The following BABAM1 variants were observed in gnomAD, a reference collection of about 807,000 sequenced individuals.
The protein encoded by BABAM1 is BRISC and BRCA1 A complex member 1, also known as BRISC and BRCA1-A complex member 1.
A neutral mutation model predicts 34.4 loss-of-function variants in BABAM1; 14 were observed. The ratio of observed to expected loss-of-function variants is 0.41; its 90% confidence interval spans 0.27 to 0.64. BABAM1 has a LOEUF of 0.64. Among genes scored for constraint, BABAM1 ranks in the 30% least tolerant of loss-of-function variants. The pLI is 0.34. For synonymous variants in BABAM1, 169 were observed against 165.8 expected (o/e 1.02, Z -0.15); for missense variants, 393 against 434.0 (o/e 0.91, Z 0.84).
chr19:17,279,026 T>C lies in BABAM1; in HGVS notation c.968T>C (p.Ile323Thr), dbSNP rs776219526. Residue 323 changes from isoleucine (I) to threonine (T), a missense_variant, in exon 9 of 9, where the codon ATT becomes ACT. Transcript: ENST00000598188. Reference sequence around the variant, plus strand: ...CTGCTGGAGGAGGAGGATGAAGCCATTGAGGTTGAGGCCACTGTCTGAACC... The same window carrying C: ...CTGCTGGAGGAGGAGGATGAAGCCACTGAGGTTGAGGCCACTGTCTGAACC... ...YSLLEEEDEAIEVEATV is the reference protein window; with the variant it reads ...YSLLEEEDEATEVEATV 1.9e-6 allele frequency: 3 copies of C among 1,611,756 alleles called. No individual in the cohort carries two copies. Among genetic ancestry groups the C allele is most frequent in the South Asian group, 2.2e-5 (2 of 90,640 alleles).
Position 17,267,493 on chromosome 19 carries a change from A to G in BABAM1, c.-48A>G, listed in dbSNP as rs185900111. 6.6e-6 allele frequency: 1 copy of G among 152,216 alleles called. No homozygotes were observed. The highest frequency in any genetic ancestry group is 2.4e-5 in the African/African-American group (1 of 41,526). The allele number at this position is 152,216 out of a possible 1,614,324, so 9.4% of individuals were successfully genotyped here. ...CGGCTTCCTAGTGAGTCGGCGGCTGATTTAGAAGGAGGTTCAGGCTACGGT... is the reference window on the plus strand; with the variant it reads ...CGGCTTCCTAGTGAGTCGGCGGCTGGTTTAGAAGGAGGTTCAGGCTACGGT... On this transcript the variant is annotated 5_prime_UTR_variant, in exon 1 of 9. Transcript: ENST00000598188.
At chr19:17,278,265 G>A (rs917313265) in intron 8 of BABAM1, among the ~76,000 whole-genome samples, 1 of 151,846 alleles carries the variant, frequency 6.6e-6, no homozygotes, top group South Asian at 2.1e-4. Context: ...CAAAGTGGGG[G>A]CCAGGAGAAT....
chr19:17,270,687 A>G (rs1050642209), intron 2 of BABAM1, among the ~76,000 whole-genome samples: 1 of 148,782 alleles, frequency 6.7e-6, no homozygotes. Context: ...CGCCACACCC[A>G]ACAAATTTTT....
At chr19:17,274,873 C>A (rs1420459308) in intron 5 of BABAM1, among the ~76,000 whole-genome samples, 1 of 150,958 alleles carries the variant, frequency 6.6e-6, no homozygotes, top group Non-Finnish European at 1.5e-5. Context: ...TGGCTCTTTT[C>A]ATTTTGAGGA....
chr19:17,274,054 G>A (rs758189665), intron 4 of BABAM1, 30 bp downstream of exon 4: 1 of 1,613,676 alleles, frequency 6.2e-7, no homozygotes, highest in East Asian at 2.2e-5. Flanking sequence ...TGGGTGCCCT[G>A]GGGTCCCCTG....
chr19:17,269,414 G>A (rs1208797901), intron 2 of BABAM1, among the ~76,000 whole-genome samples: 5 of 145,612 alleles, frequency 3.4e-5, no homozygotes, highest in East Asian at 4.0e-4. Context: ...GCAATGGCAC[G>A]ATCTTGGCTC....
chr19:17,274,237 A>G (rs562897300), intron 5 of BABAM1, 52 bp downstream of exon 5: 5 of 1,590,768 alleles, frequency 3.1e-6, no homozygotes, highest in African/African-American at 2.7e-5. Flanking sequence ...TCCTTCTGTC[A>G]TCCTTGGGGC....
chr19:17,270,549 C>T (rs1380589244), intron 2 of BABAM1, among the ~76,000 whole-genome samples: 3 of 129,952 alleles, frequency 2.3e-5, no homozygotes, highest in Non-Finnish European at 4.8e-5. Context: ...TTTTTTGAGA[C>T]GGAGTCCCGC....
Position 17,271,597 on chromosome 19 carries a change from AT to A in BABAM1, c.288del (p.Ile97SerfsTer31), listed in dbSNP as rs1568333730. On this transcript the variant is annotated frameshift_variant and splice_region_variant, in exon 3 of 9. Transcript: ENST00000598188. LOFTEE classifies it high-confidence loss of function. ...TCACCACCCTCCAACTACCTTGCAGATTATCTGCCTGGACCTGTCAGAGGAA... is the reference window on the plus strand; with the variant it reads ...TCACCACCCTCCAACTACCTTGCAGATATCTGCCTGGACCTGTCAGAGGAA... ...TPRVNCPEKVIICLDLSEEMS... is the reference protein window; with the variant it reads ...TPRVNCPEKVXICLDLSEEMS... The A allele has an allele frequency of 6.2e-7, 1 of 1,613,656 alleles. No individual in the cohort carries two copies. Among genetic ancestry groups the A allele is most frequent in the Non-Finnish European group, 8.5e-7 (1 of 1,179,776 alleles).
chr19:17,274,062 C>T (rs1381703129), intron 4 of BABAM1, 38 bp downstream of exon 4: 6 of 1,613,798 alleles, frequency 3.7e-6, no homozygotes, highest in Admixed American at 3.3e-5. Flanking sequence ...CTGGGGTCCC[C>T]TGGGGCCCGG....
chr19:17,277,216 T>G, intron 8 of BABAM1: 1 of 259,724 alleles, frequency 3.9e-6, no homozygotes, highest in Non-Finnish European at 7.4e-6. Flanking sequence ...TTTTTTTTTT[T>G]TTTGAGACAG....
chr19:17,271,847 A>T (rs1226160724), intron 3 of BABAM1, among the ~76,000 whole-genome samples, 192 bp downstream of exon 3: 1 of 152,156 alleles, frequency 6.6e-6, no homozygotes, highest in Non-Finnish European at 1.5e-5. Context: ...CTGAGATAGG[A>T]GGATCACTTG....
chr19:17,274,348 TACTGTGGAAGGCACA>T, intron 5 of BABAM1, 163 bp downstream of exon 5: 1 of 883,014 alleles, frequency 1.1e-6, no homozygotes, highest in Non-Finnish European at 1.7e-6. Context: ...TCCCCATCTG[TACTGTGGAAGGCACA>T]AAGTTGCCTA....
At chr19:17,274,534 C>A in intron 5 of BABAM1, 1 of 263,720 alleles carries the variant, frequency 3.8e-6, no homozygotes. Flanking sequence ...TGCCACTGTA[C>A]TCCAGCCTGG....
intron 5 of BABAM1, among the ~76,000 whole-genome samples, chr19:17,275,421 G>C (rs2073896711): frequency 1.3e-5 from 2 of 152,158 alleles, no homozygotes; most frequent in Non-Finnish European, 2.9e-5. Context: ...CTCCCAAGTA[G>C]CTGGGATTAC....
chr19:17,272,427 A>C (rs1259880285), intron 3 of BABAM1, among the ~76,000 whole-genome samples: 3 of 146,536 alleles, frequency 2.0e-5, no homozygotes, highest in Non-Finnish European at 4.5e-5. Flanking sequence ...TTTTTTTGAG[A>C]CGGAGTCTCG....
At chr19:17,268,639 G>A in intron 1 of BABAM1, 155 bp from the exon 2 acceptor site, 1 of 741,382 alleles carries the variant, frequency 1.3e-6, no homozygotes, top group Non-Finnish European at 2.1e-6. Flanking sequence ...ATGTTGGTCA[G>A]GCTGGTCTCG....
At chr19:17,269,505 A>G (rs2073813196) in intron 2 of BABAM1, among the ~76,000 whole-genome samples, 2 of 150,588 alleles carry the variant, frequency 1.3e-5, no homozygotes, top group South Asian at 4.2e-4. Context: ...TGCCCACCAC[A>G]ACGCCCGGCT....
chr19:17,269,345 TGTC>T (rs2073810280), intron 2 of BABAM1, among the ~76,000 whole-genome samples: 1 of 144,492 alleles, frequency 6.9e-6, no homozygotes, highest in Admixed American at 6.9e-5. Context: ...TCATTTTGTC[TGTC>T]TTTTTTTTTT....
Sources: allele counts gnomAD v4.1 joint callset (sites outside exome capture counted in the v4.1 genomes callset), GRCh38; gene constraint gnomAD v4.1.1; transcripts MANE v1.5; gene names NCBI Gene and HGNC (gene_info 2026-07-23, HGNC 2026-07-21).